The following NSD3 variants were observed in gnomAD, a reference collection of about 807,000 sequenced individuals.
NSD3 encodes the protein histone-lysine N-methyltransferase NSD3.
A neutral mutation model predicts 160.8 loss-of-function variants in NSD3; 24 were observed. The observed-to-expected ratio is 0.15, with a 90% CI of 0.11 to 0.21. The LOEUF is 0.21. Among genes scored for constraint, NSD3 ranks in the 10% least tolerant of loss-of-function variants. The pLI is 1.00. For synonymous variants in NSD3, 520 were observed against 600.0 expected (o/e 0.87, Z 1.95); for missense variants, 1,157 against 1,735.9 (o/e 0.67, Z 5.93).
intron 2 of NSD3, among the ~76,000 whole-genome samples, chr8:38,342,730 G>C (rs1460862092): frequency 6.6e-6 from 1 of 151,846 alleles, no homozygotes; most frequent in Non-Finnish European, 1.5e-5. Context: ...ACCACGCCTG[G>C]TTGTATTTTT....
rs557936140 is a variant in NSD3 at position 38,318,505 on chromosome 8, G to A, written c.1855+390C>T. Among the ~76,000 whole-genome samples, 1 of 152,106 alleles carries A rather than the reference G, an allele frequency of 6.6e-6. No homozygotes were observed. Among genetic ancestry groups the A allele is most frequent in the Non-Finnish European group, 1.5e-5 (1 of 68,012 alleles). On this transcript the variant is annotated intron_variant, in intron 9 of 23. Coordinates refer to ENST00000317025, the MANE Select transcript of NSD3 (RefSeq NM_023034.2). The surrounding 1 kb of genome is among the most constrained non-coding windows in gnomAD (Gnocchi z 5.3). ...GTGGCAAGATTTTTTCAATCAGCTT[G>A]TCTTGTCTGATTTGTCATAGTCCAT...
rs762810434 is a variant in NSD3, at chr8:38,338,655, C to A, written c.676-48G>T. The A allele has an allele frequency of 8.4e-6, 12 of 1,420,642 alleles. No individual in the cohort carries two copies. The Admixed American group carries it at 8.9e-5, about 11-fold the overall frequency. The allele number at this position is 1,420,642 out of a possible 1,614,324, so 88.0% of individuals were successfully genotyped here. On this transcript the variant is annotated intron_variant, in intron 2 of 23. Coordinates refer to ENST00000317025, the MANE Select transcript of NSD3 (RefSeq NM_023034.2). ...GTAGAATAAAATGGCATTAAATAAA[C>A]AAACAAACAAAAAACAGTGACATAC...
rs10672618 is a variant in NSD3, at chr8:38,364,277, AAACAAC to A, written c.-44-16068_-44-16063del. ...GGGTGACAGAGCAAGACTCCGTCTC[AAACAAC>A]AACAACAACAACAACAACAACAACA... is the stretch of plus-strand genomic sequence containing the variant. On this transcript the variant is annotated intron_variant, in intron 1 of 23. Coordinates refer to ENST00000317025, the MANE Select transcript of NSD3 (RefSeq NM_023034.2). Among the ~76,000 whole-genome samples the A allele has an allele frequency of 1.5e-3, 219 of 149,404 alleles. 3 individuals are homozygous for A. The highest frequency in any genetic ancestry group is 8.1e-3 in the Admixed American group (121 of 14,976).
intron 19 of NSD3, among the ~76,000 whole-genome samples, chr8:38,282,211 C>A (rs36105509): frequency 0.06 from 9,059 of 152,192 alleles, 409 homozygotes; most frequent in Admixed American, 0.11. Flanking sequence ...TTTTAGCAGG[C>A]GTAGGATCAT....
intron 1 of NSD3, among the ~76,000 whole-genome samples, chr8:38,378,120 A>G (rs756703949): frequency 2.4e-4 from 37 of 152,210 alleles, no homozygotes; most frequent in South Asian, 6.2e-4. Context: ...TAATATGTGA[A>G]TATGTGAATA....
At chr8:38,343,563 C>T (rs564192393) in intron 2 of NSD3, among the ~76,000 whole-genome samples, 43 of 151,960 alleles carry the variant, frequency 2.8e-4, no homozygotes, top group Admixed American at 2.4e-3. Flanking sequence ...ACTAGCCAGG[C>T]GTGGTGGCAC....
chr8:38,337,551 AT>A (rs1389028282), intron 3 of NSD3, 84 bp from the exon 4 acceptor site: 28 of 1,221,442 alleles, frequency 2.3e-5, no homozygotes, highest in Non-Finnish European at 2.6e-5. Flanking sequence ...TAACAATGTA[AT>A]TTTATCTTCA....
rs773588457 is a variant in NSD3, at chr8:38,270,643, G to A, written c.*4998C>T. 2 of 152,218 alleles carry A rather than the reference G, an allele frequency of 1.3e-5. No individual in the cohort carries two copies. Among genetic ancestry groups the A allele is most frequent in the Admixed American group, 1.3e-4 (2 of 15,290 alleles). 9.4% of individuals were successfully genotyped at this position (152,218 alleles called of 1,614,324 possible). ...TAGGTCATCTGACAGATACTTGAGG[G>A]CTGTTTGCACACATCAAGTGTGTTG... is the stretch of plus-strand genomic sequence containing the variant. On this transcript the variant is annotated 3_prime_UTR_variant, in exon 24 of 24. Coordinates refer to ENST00000317025, the MANE Select transcript of NSD3 (RefSeq NM_023034.2).
chr8:38,345,608 A>G (rs1472278780), intron 2 of NSD3, among the ~76,000 whole-genome samples: 1 of 152,160 alleles, frequency 6.6e-6, no homozygotes, highest in Non-Finnish European at 1.5e-5. Context: ...TAAAACCCTT[A>G]AATTAAAATC....
At chr8:38,303,935 G>A (rs1809334729) in intron 14 of NSD3, among the ~76,000 whole-genome samples, 1 of 152,212 alleles carries the variant, frequency 6.6e-6, no homozygotes, top group African/African-American at 2.4e-5. Context: ...AAAGAAGTTT[G>A]ATTTTATATT....
At chr8:38,338,845 A>G (rs1810288519) in intron 2 of NSD3, among the ~76,000 whole-genome samples, 3 of 152,200 alleles carry the variant, frequency 2.0e-5, no homozygotes, top group Non-Finnish European at 4.4e-5. Flanking sequence ...TGTTACTTTT[A>G]AAACTTAATT....
chr8:38,350,591 T>C (rs1172427971), intron 1 of NSD3, among the ~76,000 whole-genome samples: 1 of 152,102 alleles, frequency 6.6e-6, no homozygotes, highest in Non-Finnish European at 1.5e-5. Context: ...TTTTAACAAG[T>C]GGTATATATA....
intron 3 of NSD3, among the ~76,000 whole-genome samples, chr8:38,338,214 C>T (rs1391841177): frequency 6.6e-6 from 1 of 151,494 alleles, no homozygotes; most frequent in Non-Finnish European, 1.5e-5. Context: ...GCAGGACAAT[C>T]GCTTGAACCC....
intron 12 of NSD3, among the ~76,000 whole-genome samples, chr8:38,309,146 T>TA (rs539988814): frequency 0.02 from 2,794 of 137,532 alleles, 30 homozygotes; most frequent in African/African-American, 0.031. Context: ...GTCTCTCTAC[T>TA]AAAAAAAAAA....
At position 38,272,505 on chromosome 8, in the gene NSD3, T is replaced by TCGCAGCAGTGG. The variant is rs1358403843; in HGVS notation, c.*3125_*3135dup. The TCGCAGCAGTGG allele has an allele frequency of 3.9e-5, 6 of 152,312 alleles. No individual in the cohort carries two copies. Among genetic ancestry groups the TCGCAGCAGTGG allele is most frequent in the African/African-American group, 7.2e-5 (3 of 41,462 alleles). 9.4% of individuals were successfully genotyped at this position (152,312 alleles called of 1,614,324 possible). A position where few individuals can be genotyped will look rare whatever the true frequency, so the allele number is the denominator to read the frequency against. ...ACAGGCAGCTCTTCTGATTCTTCCC[T>TCGCAGCAGTGG]CGCAGCAGTGGCGGTCCAGCCCCTC... On this transcript the variant is annotated 3_prime_UTR_variant, in exon 24 of 24. Coordinates refer to ENST00000317025, the MANE Select transcript of NSD3 (RefSeq NM_023034.2).
At chr8:38,298,300 T>C (rs1809204028) in intron 15 of NSD3, among the ~76,000 whole-genome samples, 1 of 152,236 alleles carries the variant, frequency 6.6e-6, no homozygotes, top group Admixed American at 6.5e-5. Context: ...ATGTTCATTT[T>C]TTTGTTTTGG....
chr8:38,309,662 C>T (rs113553599), intron 12 of NSD3, among the ~76,000 whole-genome samples: 2 of 151,960 alleles, frequency 1.3e-5, no homozygotes, highest in Non-Finnish European at 2.9e-5. Context: ...GTCAGTCCAT[C>T]GGTCCAGAGT....
chr8:38,361,679 T>C (rs575274377), intron 1 of NSD3, among the ~76,000 whole-genome samples: 3 of 133,998 alleles, frequency 2.2e-5, no homozygotes, highest in Non-Finnish European at 4.5e-5. Context: ...GGAGTGAACC[T>C]GGGAGGCGGA....
chr8:38,375,962 A>G (rs1047274257), intron 1 of NSD3, among the ~76,000 whole-genome samples: 19 of 152,104 alleles, frequency 1.2e-4, no homozygotes, highest in Non-Finnish European at 4.4e-5. Context: ...AAAGATCCCA[A>G]TGAATAAGTA....
Sources: allele counts gnomAD v4.1 joint callset (sites outside exome capture counted in the v4.1 genomes callset), GRCh38; gene constraint gnomAD v4.1.1; non-coding constraint Gnocchi (gnomAD v3.1); transcripts MANE v1.5; gene names NCBI Gene and HGNC (gene_info 2026-07-23, HGNC 2026-07-21).